LRRC17: variants seen among roughly 807,000 people sequenced by gnomAD.
LRRC17 encodes the protein leucine rich repeat containing 17.
Under a neutral mutation model 41.5 loss-of-function variants are expected in LRRC17, and 33 were observed. That is an observed-to-expected ratio of 0.80 (90% CI 0.60 to 1.06). LRRC17 has a LOEUF of 1.06. Ranked by LOEUF, LRRC17 falls within the 50% of genes least tolerant of loss-of-function variation. The pLI is 0.00. For missense variants in LRRC17, 491 were observed against 519.3 expected (o/e 0.95, Z 0.53); for synonymous variants, 192 against 197.0 (o/e 0.97, Z 0.21).
At chr7:102,919,672 T>A (rs1816608785) in intron 1 of LRRC17, among the ~76,000 whole-genome samples, 1 of 152,208 alleles carries the variant, frequency 6.6e-6, no homozygotes, top group African/African-American at 2.4e-5. Context: ...TGGACCAATA[T>A]CTAAAACATT....
intron 1 of LRRC17, among the ~76,000 whole-genome samples, chr7:102,915,333 A>G (rs576141640): frequency 5.3e-5 from 8 of 152,254 alleles, no homozygotes; most frequent in African/African-American, 1.7e-4. Flanking sequence ...ATTTAAAACT[A>G]TATGTAATAT....
At chr7:102,943,320 T>C (rs557704199) in intron 3 of LRRC17, among the ~76,000 whole-genome samples, 2 of 117,254 alleles carry the variant, frequency 1.7e-5, no homozygotes, top group South Asian at 3.4e-4. Flanking sequence ...AGCATCTTTT[T>C]TTCCCAAGTA....
chr7:102,913,069 A>T lies in LRRC17; in HGVS notation c.-217A>T. The T allele has an allele frequency of 6.2e-7, 1 of 1,614,074 alleles. No homozygotes were observed. The stretch of plus-strand genomic sequence containing the variant: ...CTTCCTCACACACCGCAGCAAAGAG[A>T]AGACTGAAAGACAAACCTGGGTGCA... On this transcript the variant is annotated 5_prime_UTR_variant, in exon 1 of 4. Transcript: ENST00000339431.
intron 1 of LRRC17, among the ~76,000 whole-genome samples, chr7:102,916,694 C>T (rs1056609036): frequency 1.3e-5 from 2 of 152,096 alleles, no homozygotes; most frequent in Non-Finnish European, 2.9e-5. Context: ...TCATCATTTT[C>T]CCAGCCCAGA....
At chr7:102,942,919 C>G (rs1821744916) in intron 3 of LRRC17, among the ~76,000 whole-genome samples, 1 of 152,116 alleles carries the variant, frequency 6.6e-6, no homozygotes, top group Non-Finnish European at 1.5e-5. Flanking sequence ...TCTGGAGTAT[C>G]TGGCTGGTCC....
intron 1 of LRRC17, among the ~76,000 whole-genome samples, chr7:102,925,439 G>A (rs528746649): frequency 1.3e-5 from 2 of 152,180 alleles, no homozygotes; most frequent in South Asian, 4.1e-4. Context: ...TGAATATTCT[G>A]TCAATTCTTT....
chr7:102,943,271 A>C (rs988000996), intron 3 of LRRC17, among the ~76,000 whole-genome samples: 1 of 152,008 alleles, frequency 6.6e-6, no homozygotes, highest in Non-Finnish European at 1.5e-5. Context: ...CACTTGTCTT[A>C]CATGCGAAAT....
intron 2 of LRRC17, among the ~76,000 whole-genome samples, chr7:102,935,884 G>C (rs1820208930): frequency 6.6e-6 from 1 of 152,212 alleles, no homozygotes; most frequent in African/African-American, 2.4e-5. Context: ...TTAAGGGCAA[G>C]AGAAAGGGGA....
Position 102,934,437 on chromosome 7 carries a change from T to G in LRRC17, c.524T>G (p.Ile175Ser). ...TGTACTTGTGAGATAGAAACGCTTA[T>G]TTCAATGTTGCAGATTCCCAGGAAC... ...WHCTCEIETL[I>S]SMLQIPRNRN... is the part of the protein sequence containing the mutation. The change falls in exon 2 of 4, where the codon ATT (isoleucine) becomes AGT (serine). Residue 175 changes from isoleucine (I) to serine (S), a missense_variant. Ile to Ser is a moderately radical substitution (Grantham distance 142). Transcript: ENST00000339431. The G allele has an allele frequency of 6.2e-7, 1 of 1,614,210 alleles. No homozygotes were observed. The highest frequency in any genetic ancestry group is 8.5e-7 in the Non-Finnish European group (1 of 1,180,036).
chr7:102,939,659 A>G (rs192563448), intron 3 of LRRC17, 74 bp downstream of exon 3: 15 of 1,308,550 alleles, frequency 1.1e-5, no homozygotes, highest in African/African-American at 7.4e-5. Flanking sequence ...ACACTTATAT[A>G]CAGTAAATTC....
rs114626804 is a variant in LRRC17, at chr7:102,913,098, A to G, written c.-188A>G. The G allele has an allele frequency of 6.8e-4, 1,104 of 1,614,170 alleles. 7 individuals are homozygous for G. The African/African-American group carries it at 0.014, about 20-fold the overall frequency. On this transcript the variant is annotated 5_prime_UTR_variant, in exon 1 of 4. Coordinates refer to ENST00000339431, the MANE Select transcript of LRRC17 (RefSeq NM_001031692.3). ...CTGAAAGACAAACCTGGGTGCAGCC[A>G]GAGAGGTCCAGATAGATGAGCTTGT...
rs886851331 is a variant in LRRC17 at position 102,915,122 on chromosome 7, A to T, written c.-141+1977A>T. On this transcript the variant is annotated intron_variant, in intron 1 of 3. Coordinates refer to ENST00000339431, the MANE Select transcript of LRRC17 (RefSeq NM_001031692.3). The stretch of plus-strand genomic sequence containing the variant: ...TCATTTGTTAAGTGGAGATTAAAAT[A>T]TTTTTTTTTTTTTTTTTTTTACACT... 1.0e-3 allele frequency among the ~76,000 whole-genome samples: 130 copies of T among 128,060 alleles called. 2 individuals are homozygous for T. In the East Asian group the frequency reaches 0.016, roughly 16 times the overall value. The allele number at this position is 128,060 out of a possible 152,430, so 84.0% of individuals were successfully genotyped here.
intron 2 of LRRC17, among the ~76,000 whole-genome samples, chr7:102,938,242 T>C (rs942159036): frequency 6.6e-5 from 10 of 152,232 alleles, no homozygotes; most frequent in Non-Finnish European, 1.3e-4. Flanking sequence ...TTTAAGGAGT[T>C]ATTTTACTTC....
chr7:102,921,904 G>T (rs1244239747), intron 1 of LRRC17, among the ~76,000 whole-genome samples: 1 of 151,332 alleles, frequency 6.6e-6, no homozygotes. Flanking sequence ...ATATCACTGG[G>T]TCAAGTCCAG....
At chr7:102,927,831 G>A (rs1431438624) in intron 1 of LRRC17, among the ~76,000 whole-genome samples, 1 of 152,198 alleles carries the variant, frequency 6.6e-6, no homozygotes, top group Non-Finnish European at 1.5e-5. Context: ...AAAGAATCTA[G>A]AGAATAACCA....
intron 3 of LRRC17, among the ~76,000 whole-genome samples, chr7:102,943,444 C>A (rs1403777132): frequency 6.6e-6 from 1 of 151,736 alleles, no homozygotes; most frequent in African/African-American, 2.4e-5. Context: ...ATATATTTCA[C>A]AATTTTGCAT....
rs376881631 is a variant in LRRC17 at position 102,944,739 on chromosome 7, A to T, written c.*132A>T. ...CAGCTAAAGGAAGCTTTCTTTAATT[A>T]TAAGTATTATTGTGACTATTATAGT... On this transcript the variant is annotated 3_prime_UTR_variant, in exon 4 of 4. Transcript: ENST00000339431. 7 of 774,948 alleles carry T rather than the reference A, an allele frequency of 9.0e-6. No individual in the cohort carries two copies. In the Admixed American group the frequency reaches 1.2e-4, roughly 13 times the overall value. 48.0% of individuals were successfully genotyped at this position (774,948 alleles called of 1,614,324 possible).
intron 1 of LRRC17, among the ~76,000 whole-genome samples, chr7:102,916,449 G>A (rs1330472912): frequency 5.9e-5 from 9 of 152,164 alleles, no homozygotes; most frequent in Admixed American, 5.9e-4. Flanking sequence ...TCTCTGGATA[G>A]CTCTTTTCAC....
Position 102,934,386 on chromosome 7 carries a change from T to A in LRRC17, c.473T>A (p.Leu158Gln). 6.2e-7 allele frequency: 1 copy of A among 1,614,202 alleles called. No individual in the cohort carries two copies. The highest frequency in any genetic ancestry group is 1.1e-5 in the South Asian group (1 of 91,078). Residue 158 changes from leucine to glutamine, a missense_variant, in exon 2 of 4, where the codon CTG (leucine) becomes CAG (glutamine). Coordinates refer to ENST00000339431, the MANE Select transcript of LRRC17 (RefSeq NM_001031692.3). Reference protein sequence around the residue: ...VFIYTPLLSYLRLYDNPWHCT... With the variant: ...VFIYTPLLSYQRLYDNPWHCT... ...ATTTACACACCTCTCTTGAGCTACC[T>A]GCGTCTTTATGACAACCCCTGGCAC...
Sources: gnomAD v4.1 joint callset for allele counts (sites outside exome capture counted in the v4.1 genomes callset) on GRCh38, gnomAD v4.1.1 for gene constraint, MANE v1.5 for transcripts, NCBI Gene and HGNC (gene_info 2026-07-23, HGNC 2026-07-21) for gene names.